The following HID1 variants were observed in gnomAD, a reference collection of about 807,000 sequenced individuals.
The protein encoded by HID1 is protein HID1.
In HID1, 42 loss-of-function variants were observed where a neutral mutation model predicts 89.7. That is an observed-to-expected ratio of 0.47 (90% CI 0.37 to 0.61). The LOEUF (loss-of-function observed/expected upper bound fraction) is 0.61. Ranked by LOEUF, HID1 falls within the 20% of genes least tolerant of loss-of-function variation. The pLI, the probability that HID1 is intolerant of heterozygous loss-of-function variation, is 0.00. For synonymous variants in HID1, 442 were observed against 433.8 expected (o/e 1.02, Z -0.24); for missense variants, 854 against 1,039.3 (o/e 0.82, Z 2.45).
intron 1 of HID1, 130 bp from the exon 2 acceptor site, chr17:74,964,762 A>G (rs9907215): frequency 0.036 from 32,306 of 909,230 alleles, 3,739 homozygotes; most frequent in African/African-American, 0.33. Context: ...TCCCAGAGCC[A>G]TCCCACATGG....
intron 1 of HID1, among the ~76,000 whole-genome samples, chr17:74,968,243 G>A (rs1413246104): frequency 2.5e-5 from 3 of 118,992 alleles, no homozygotes; most frequent in African/African-American, 9.6e-5. Flanking sequence ...TGCCTCCACA[G>A]TCTGGGTGCA....
Position 74,963,765 on chromosome 17 carries a change from G to A in HID1, c.362C>T (p.Thr121Ile). ...DPDWRGFFWS[T>I]VPGAGRGGQG... ...CCCTCCTCGCCCTGCCCCGGGCACT[G>A]TGGACCAGAAGAAGCCCCTCCAGTC... Residue 121 changes from threonine to isoleucine, a missense_variant, in exon 3 of 19, where the codon ACA (threonine) becomes ATA (isoleucine). By Grantham distance (89) the Thr-to-Ile change is moderately conservative. Coordinates refer to ENST00000425042, the MANE Select transcript of HID1 (RefSeq NM_030630.3). 1 of 1,612,826 alleles carries A rather than the reference G, an allele frequency of 6.2e-7. No homozygotes were observed. Among genetic ancestry groups the A allele is most frequent in the Non-Finnish European group, 8.5e-7 (1 of 1,179,448 alleles).
At chr17:74,965,439 G>A (rs1021028451) in intron 1 of HID1, among the ~76,000 whole-genome samples, 18 of 152,150 alleles carry the variant, frequency 1.2e-4, no homozygotes, top group African/African-American at 4.3e-4. Context: ...CCTTACACAC[G>A]TGCACACAGA....
At chr17:74,956,084 A>G in intron 12 of HID1, 128 bp from the exon 13 acceptor site, 2 of 946,310 alleles carry the variant, frequency 2.1e-6, no homozygotes, top group South Asian at 3.2e-5. Flanking sequence ...CAGGACGACC[A>G]AGGCCCTAAG....
Position 74,951,597 on chromosome 17 carries a change from C to T in HID1, c.2340G>A (p.Val780=). The T allele has an allele frequency of 6.2e-7, 1 of 1,612,734 alleles. No homozygotes were observed. ...VDPPVWYDTD[V]KLFEIQRV is the part of the protein sequence containing the mutation. Reference sequence around the variant, plus strand: ...ACACCCGCTGTATCTCAAACAGCTTCACGTCGGTGTCGTACCAGACAGGGG... The same window carrying T: ...ACACCCGCTGTATCTCAAACAGCTTTACGTCGGTGTCGTACCAGACAGGGG... The change falls in exon 19 of 19, where the codon GTG becomes GTA. Residue 780 remains valine (V), a synonymous_variant. Coordinates refer to ENST00000425042, the MANE Select transcript of HID1 (RefSeq NM_030630.3).
At chr17:74,952,781 G>C (rs1358264654) in intron 16 of HID1, among the ~76,000 whole-genome samples, 1 of 152,214 alleles carries the variant, frequency 6.6e-6, no homozygotes, top group Non-Finnish European at 1.5e-5. Flanking sequence ...TCTGGCAACA[G>C]TGTAGACAGA....
chr17:74,954,216 C>T lies in HID1; in HGVS notation c.1786G>A (p.Gly596Ser), dbSNP rs1456251939. The T allele has an allele frequency of 1.3e-6, 2 of 1,598,566 alleles. No individual in the cohort carries two copies. Among genetic ancestry groups the T allele is most frequent in the Non-Finnish European group, 1.7e-6 (2 of 1,173,964 alleles). ...EPLSRTGSQE[G>S]TSMEGSRPAA... ...GGGCGGGAGCCCTCCATGGAGGTGC[C>T]CTCCTGGGAGCCGGTGCGAGACAAG... The change falls in exon 14 of 19, where the codon GGC becomes AGC. Residue 596 changes from glycine (G) to serine (S), a missense_variant. Transcript: ENST00000425042.
Position 74,961,980 on chromosome 17 carries a change from C to T in HID1, c.621G>A (p.Leu207=). The T allele has an allele frequency of 6.3e-7, 1 of 1,579,600 alleles. No individual in the cohort carries two copies. Among genetic ancestry groups the T allele is most frequent in the Non-Finnish European group, 8.6e-7 (1 of 1,164,472 alleles). The change falls in exon 6 of 19, where the codon CTG becomes CTA. Residue 207 remains leucine (L), a synonymous_variant. Transcript: ENST00000425042. ...NYIHDMNRME[L]LKLLLTCFSE... ...AGAAGCATGTCAGCAGCAGTTTCAG[C>T]AGCTCCATCCTTGTAGGAGGAAGGG... is the stretch of plus-strand genomic sequence containing the variant.
chr17:74,962,196 C>T lies in HID1; in HGVS notation c.611+38G>A, dbSNP rs777593274. 13 of 1,533,668 alleles carry T rather than the reference C, an allele frequency of 8.5e-6. No homozygotes were observed. In the Admixed American group the frequency reaches 2.3e-4, roughly 27 times the overall value. Reference sequence around the variant, plus strand: ...CTGTGCGGGGGCCCGGCCCGGGGTCCAGCTGCATTGAGGGCTCCGGGCCTG... The same window carrying T: ...CTGTGCGGGGGCCCGGCCCGGGGTCTAGCTGCATTGAGGGCTCCGGGCCTG... On this transcript the variant is annotated intron_variant, in intron 5 of 18. Transcript: ENST00000425042. The surrounding 1 kb of genome is among the most constrained non-coding windows in gnomAD (Gnocchi z 4.3).
In HID1 at chr17:74,972,083, C is replaced by T. The variant is rs1018101204; in HGVS notation, c.66+508G>A. ...GGCCTTCCCTGCCCACGGGCATCGA[C>T]CAGGGCCCAGCGAGGCCGCTGCCGC... On this transcript the variant is annotated intron_variant, in intron 1 of 18. Transcript: ENST00000425042. This position sits in a 1 kb window ranked among gnomAD's most constrained non-coding sequence, Gnocchi z 6.4. Among the ~76,000 whole-genome samples the T allele has an allele frequency of 3.3e-5, 5 of 152,226 alleles. No individual in the cohort carries two copies. Among genetic ancestry groups the T allele is most frequent in the African/African-American group, 1.2e-4 (5 of 41,448 alleles).
chr17:74,958,982 T>C lies in HID1; in HGVS notation c.1078A>G (p.Asn360Asp), dbSNP rs1737720076. 1 of 1,604,466 alleles carries C rather than the reference T, an allele frequency of 6.2e-7. No homozygotes were observed. The highest frequency in any genetic ancestry group is 8.5e-7 in the Non-Finnish European group (1 of 1,177,016). Residue 360 changes from asparagine (N) to aspartate (D), a missense_variant, in exon 9 of 19, where the codon AAC (asparagine) becomes GAC (aspartate). Coordinates refer to ENST00000425042, the MANE Select transcript of HID1 (RefSeq NM_030630.3). The surrounding 1 kb of genome is among the most constrained non-coding windows in gnomAD (Gnocchi z 5.2). Reference sequence around the variant, plus strand: ...TGGAACTGGATCTTCTTGGTGGAGTTAGGCAGGTAGGTCTGGAGCAGGGGG... The same window carrying C: ...TGGAACTGGATCTTCTTGGTGGAGTCAGGCAGGTAGGTCTGGAGCAGGGGG... ...SNPLLQTYLPNSTKKIQFHQE... is the reference protein window; with the variant it reads ...SNPLLQTYLPDSTKKIQFHQE...
chr17:74,953,466 C>T (rs564684924), intron 15 of HID1, 79 bp downstream of exon 15: 13 of 1,206,182 alleles, frequency 1.1e-5, no homozygotes, highest in South Asian at 5.3e-5. Context: ...CAGAGTGCCC[C>T]GGCCCAGCCC....
intron 1 of HID1, among the ~76,000 whole-genome samples, chr17:74,969,924 T>TTC (rs1475399296): frequency 1.4e-5 from 2 of 139,318 alleles, no homozygotes; most frequent in Non-Finnish European, 3.1e-5. Flanking sequence ...TCTTTTTTCT[T>TTC]TTTTTTTTTT....
intron 16 of HID1, 143 bp from the exon 17 acceptor site, chr17:74,952,503 C>T (rs2039319237): frequency 3.2e-6 from 2 of 630,442 alleles, no homozygotes; most frequent in Admixed American, 5.5e-5. Flanking sequence ...CCAAGCAGGA[C>T]CCGGGAAGAG....
rs2039286416 is a variant in HID1 at position 74,950,883 on chromosome 17, AG to A, written c.*686del. On this transcript the variant is annotated 3_prime_UTR_variant, in exon 19 of 19. Coordinates refer to ENST00000425042, the MANE Select transcript of HID1 (RefSeq NM_030630.3). ...GCATCGCCCCATCCAGGCAGTGGGC[AG>A]GGCAGGGAGGACTAAACGGCTGCCT... The A allele has an allele frequency of 6.6e-6, 1 of 152,304 alleles. No individual in the cohort carries two copies. Among genetic ancestry groups the A allele is most frequent in the African/African-American group, 2.4e-5 (1 of 41,430 alleles). The allele number at this position is 152,304 out of a possible 1,614,324, so 9.4% of individuals were successfully genotyped here. A position where few individuals can be genotyped will look rare whatever the true frequency, so the allele number is the denominator to read the frequency against.
At position 74,964,528 on chromosome 17, in the gene HID1, G is replaced by A. The variant is rs761303160; in HGVS notation, c.171C>T (p.Ala57=). The A allele has an allele frequency of 2.9e-5, 47 of 1,609,982 alleles. No homozygotes were observed. The highest frequency in any genetic ancestry group is 1.1e-4 in the South Asian group (10 of 89,942). ...FALVPAAEIR[A]VREESPSNLA... ...AGTTGGAGGGTGACTCTTCCCGCAC[G>A]GCCCGGATCTCTGCTGCCGGCACCA... Residue 57 remains alanine (A), a synonymous_variant, in exon 2 of 19, where the codon GCC becomes GCT. Transcript: ENST00000425042.
At chr17:74,957,506 T>TA (rs555447252) in intron 12 of HID1, among the ~76,000 whole-genome samples, 3 of 150,998 alleles carry the variant, frequency 2.0e-5, no homozygotes, top group Admixed American at 6.6e-5. Flanking sequence ...TAAAATAAAA[T>TA]AAATAAATAA....
Position 74,960,073 on chromosome 17 carries a change from GGCTGGCACT to G in HID1, c.895_903del (p.Ser299_Ser301del), listed in dbSNP as rs747291010. On this transcript the variant is annotated inframe_deletion, in exon 7 of 19. Coordinates refer to ENST00000425042, the MANE Select transcript of HID1 (RefSeq NM_030630.3). ...CCAGTGGTGGTGCCGTCCACAGTGG[GGCTGGCACT>G]GCTGGCACTGTCGTGGTCCAAAGTG... is the stretch of plus-strand genomic sequence containing the variant. 164 of 1,613,884 alleles carry G rather than the reference GGCTGGCACT, an allele frequency of 1.0e-4. 1 individual carries two copies. The South Asian group carries it at 1.7e-3, about 17-fold the overall frequency.
rs1433329220 is a variant in HID1, at chr17:74,958,289, C to T, written c.1392+38G>A. ...CAGACTCAGCCAAGAGGACACCACC[C>T]CTGCACCTCCTGGGCCCGGCCGCAC... is the stretch of plus-strand genomic sequence containing the variant. On this transcript the variant is annotated intron_variant, in intron 11 of 18. Transcript: ENST00000425042. This position sits in a 1 kb window ranked among gnomAD's most constrained non-coding sequence, Gnocchi z 5.2. The T allele has an allele frequency of 1.2e-6, 2 of 1,610,660 alleles. No individual in the cohort carries two copies. The highest frequency in any genetic ancestry group is 2.2e-5 in the South Asian group (2 of 90,462).
Sources: allele counts gnomAD v4.1 joint callset (sites outside exome capture counted in the v4.1 genomes callset), GRCh38; gene constraint gnomAD v4.1.1; non-coding constraint Gnocchi (gnomAD v3.1); transcripts MANE v1.5; gene names NCBI Gene and HGNC (gene_info 2026-07-23, HGNC 2026-07-21).